AFF1: variants seen among roughly 807,000 people sequenced by gnomAD.
AFF1 encodes AF4/FMR2 family member 1.
AFF1 carries 48 observed loss-of-function variants against 121.7 expected under a neutral mutation model. That is an observed-to-expected ratio of 0.39 (90% CI 0.31 to 0.50). The LOEUF is 0.50. AFF1 is among the 20% of genes least tolerant of loss of function. AFF1 has a pLI of 0.76. For synonymous variants in AFF1, 613 were observed against 563.0 expected, an observed-to-expected ratio of 1.09 and a Z score of -1.26; for missense variants, 1,523 against 1,511.7, an observed-to-expected ratio of 1.01 and a Z score of -0.12.
rs570594520 is a variant in AFF1 at position 87,117,910 on chromosome 4, C to G, written c.2466+2611C>G. ...GGCTCTCTGCCTCTGGCCCTGTGAC[C>G]AGCACGGTTGCTCCAGCAGGCAGCA... On this transcript the variant is annotated intron_variant, in intron 12 of 20. Coordinates refer to ENST00000395146, the MANE Select transcript of AFF1 (RefSeq NM_001166693.3). Among the ~76,000 whole-genome samples the G allele has an allele frequency of 4.6e-5, 7 of 152,330 alleles. No homozygotes were observed. In the East Asian group the frequency reaches 1.4e-3, roughly 29 times the overall value.
rs1435928619 is a variant in AFF1, at chr4:87,111,092, C to G, written c.1533+2777C>G. Among the ~76,000 whole-genome samples, 2 of 83,938 alleles carry G rather than the reference C, an allele frequency of 2.4e-5. 1 individual carries two copies. The highest frequency in any genetic ancestry group is 5.1e-5 in the Non-Finnish European group (2 of 38,882). The allele number at this position is 83,938 out of a possible 152,430, so 55.1% of individuals were successfully genotyped here. On this transcript the variant is annotated intron_variant, in intron 11 of 20. Transcript: ENST00000395146. ...GCGCGATCTCGGCTCACTGCAAGCTCCGCCTCCCGGGTTCACGCCATTCTC... is the reference window on the plus strand; with the variant it reads ...GCGCGATCTCGGCTCACTGCAAGCTGCGCCTCCCGGGTTCACGCCATTCTC...
chr4:86,984,495 T>C (rs1221280729), intron 2 of AFF1, among the ~76,000 whole-genome samples: 1 of 152,060 alleles, frequency 6.6e-6, no homozygotes, highest in East Asian at 1.9e-4. Flanking sequence ...CTAATTTCTT[T>C]TGTGTTTTAG....
At chr4:86,962,573 G>A (rs898937446) in intron 2 of AFF1, among the ~76,000 whole-genome samples, 5 of 152,146 alleles carry the variant, frequency 3.3e-5, no homozygotes, top group African/African-American at 1.2e-4. Flanking sequence ...AGGTTTAAAA[G>A]TTTGGGTTCC....
At chr4:87,075,476 A>T (rs758356764) in intron 4 of AFF1, among the ~76,000 whole-genome samples, 31 of 152,140 alleles carry the variant, frequency 2.0e-4, no homozygotes, top group Non-Finnish European at 2.6e-4. Flanking sequence ...CTCTAACATG[A>T]TCTTCCAGTG....
At chr4:86,962,777 G>T (rs1367195776) in intron 2 of AFF1, among the ~76,000 whole-genome samples, 1 of 152,032 alleles carries the variant, frequency 6.6e-6, no homozygotes, top group Non-Finnish European at 1.5e-5. Context: ...AATTTGAAAT[G>T]GTAGGTGACA....
chr4:87,075,531 G>A (rs1244991662), intron 4 of AFF1, among the ~76,000 whole-genome samples: 1 of 152,046 alleles, frequency 6.6e-6, no homozygotes, highest in Non-Finnish European at 1.5e-5. Context: ...TCAAGGAAGC[G>A]TACGTACATC....
intron 2 of AFF1, among the ~76,000 whole-genome samples, chr4:86,962,762 T>C (rs1722243751): frequency 6.6e-6 from 1 of 152,194 alleles, no homozygotes; most frequent in South Asian, 2.1e-4. Flanking sequence ...ATTAAGAGTT[T>C]GGGTAATTTG....
Position 87,114,439 on chromosome 4 carries a change from C to A in AFF1, c.1606C>A (p.Pro536Thr). 1 of 1,613,292 alleles carries A rather than the reference C, an allele frequency of 6.2e-7. No homozygotes were observed. The highest frequency in any genetic ancestry group is 8.5e-7 in the Non-Finnish European group (1 of 1,179,948). ...LTKVSQPAAP[P>T]EGPRSTEPPR... Reference sequence around the variant, plus strand: ...CAAAGTCAGCCAGCCAGCTGCGCCACCAGAGGGCCCCAGGAGCACAGAGCC... The same window carrying A: ...CAAAGTCAGCCAGCCAGCTGCGCCAACAGAGGGCCCCAGGAGCACAGAGCC... Residue 536 changes from proline (P) to threonine (T), a missense_variant, in exon 12 of 21, where the codon CCA becomes ACA. Physicochemically the swap from Pro to Thr is conservative, Grantham distance 38. Transcript: ENST00000395146.
At chr4:86,972,084 G>T (rs1722985214) in intron 2 of AFF1, among the ~76,000 whole-genome samples, 1 of 140,658 alleles carries the variant, frequency 7.1e-6, no homozygotes, top group South Asian at 2.4e-4. Context: ...GCTCCTGTGA[G>T]CTGTGATTGC....
intron 13 of AFF1, among the ~76,000 whole-genome samples, chr4:87,125,470 G>A (rs1440153332): frequency 2.0e-5 from 3 of 152,052 alleles, no homozygotes; most frequent in Non-Finnish European, 4.4e-5. Flanking sequence ...AACACACAGA[G>A]AAAATGACTT....
At chr4:87,017,260 T>C (rs1342238027) in intron 2 of AFF1, among the ~76,000 whole-genome samples, 3 of 152,126 alleles carry the variant, frequency 2.0e-5, no homozygotes, top group African/African-American at 7.2e-5. Flanking sequence ...TTCTTGCAAA[T>C]TGTTTGCTAT....
chr4:87,036,455 C>T (rs1047970416), intron 2 of AFF1, among the ~76,000 whole-genome samples: 3 of 152,080 alleles, frequency 2.0e-5, no homozygotes, highest in Admixed American at 2.0e-4. Flanking sequence ...GCTGGCCTTG[C>T]TCACTCAGTA....
At chr4:87,097,252 A>G (rs567684804) in intron 8 of AFF1, among the ~76,000 whole-genome samples, 16 of 152,260 alleles carry the variant, frequency 1.1e-4, no homozygotes, top group Middle Eastern at 3.4e-3. Flanking sequence ...GAGTGGGTGG[A>G]GCAATTGCAC....
At chr4:86,969,633 C>T (rs529792786) in intron 2 of AFF1, among the ~76,000 whole-genome samples, 10 of 150,314 alleles carry the variant, frequency 6.7e-5, no homozygotes, top group Non-Finnish European at 1.3e-4. Flanking sequence ...GTAATCCCAG[C>T]ACTTAGGGAG....
chr4:87,127,328 CTTT>C (rs1728381327), intron 15 of AFF1, among the ~76,000 whole-genome samples: 1 of 151,946 alleles, frequency 6.6e-6, no homozygotes, highest in Admixed American at 6.6e-5. Context: ...GCCTGGCTAA[CTTT>C]TTTTGTATTT....
At chr4:87,115,628 A>G (rs1315267058) in intron 12 of AFF1, among the ~76,000 whole-genome samples, 1 of 1,148 alleles carries the variant, frequency 8.7e-4, no homozygotes, top group African/African-American at 2.0e-3. Context: ...TTTTTTTTCC[A>G]AAGACAGGCC....
intron 2 of AFF1, among the ~76,000 whole-genome samples, chr4:87,038,981 G>A (rs1729841932): frequency 6.6e-6 from 1 of 152,164 alleles, no homozygotes; most frequent in South Asian, 2.1e-4. Flanking sequence ...AGCCAGCCCT[G>A]TGGGCCGTGA....
At chr4:87,028,323 A>G (rs543747944) in intron 2 of AFF1, among the ~76,000 whole-genome samples, 2 of 151,506 alleles carry the variant, frequency 1.3e-5, no homozygotes, top group African/African-American at 4.8e-5. Flanking sequence ...TTCTTTTGGT[A>G]TAAAATGCAG....
At chr4:86,937,091 A>G (rs1720063447) in intron 1 of AFF1, among the ~76,000 whole-genome samples, 1 of 152,126 alleles carries the variant, frequency 6.6e-6, no homozygotes, top group South Asian at 2.1e-4. Flanking sequence ...GAGGCTGGAG[A>G]TGTGAGACTT....
Sources: allele counts gnomAD v4.1 joint callset (sites outside exome capture counted in the v4.1 genomes callset), GRCh38; gene constraint gnomAD v4.1.1; transcripts MANE v1.5; gene names NCBI Gene and HGNC (gene_info 2026-07-23, HGNC 2026-07-21).